The following SERAC1 variants were observed in gnomAD, a reference collection of about 807,000 sequenced individuals.
The protein encoded by SERAC1 is serine active site containing 1.
SERAC1 carries 36 observed loss-of-function variants against 85.7 expected under a neutral mutation model. The observed-to-expected ratio is 0.42, with a 90% CI of 0.32 to 0.55. SERAC1 has a LOEUF of 0.55. SERAC1 is among the 20% of genes least tolerant of loss of function. The pLI is 0.11. For synonymous variants in SERAC1, 242 were observed against 265.3 expected, an observed-to-expected ratio of 0.91 and a Z score of 0.85; for missense variants, 629 against 796.2, an observed-to-expected ratio of 0.79 and a Z score of 2.53.
At chr6:158,140,032 T>C (rs1177742295) in intron 8 of SERAC1, among the ~76,000 whole-genome samples, 1 of 152,148 alleles carries the variant, frequency 6.6e-6, no homozygotes, top group Non-Finnish European at 1.5e-5. Flanking sequence ...ACCCAGAAAT[T>C]CCACTCCTAG....
In SERAC1 at chr6:158,117,609, T is replaced by C. The variant is rs775596279; in HGVS notation, c.1403+118A>G. ...AAGACAAAAAAGATTAGGTTTGTTC[T>C]TCATAAGAAAATCCTGTCTGTGGCA... On this transcript the variant is annotated intron_variant, in intron 13 of 16. Coordinates refer to ENST00000647468, the MANE Select transcript of SERAC1 (RefSeq NM_032861.4). The surrounding 1 kb of genome is among the most constrained non-coding windows in gnomAD (Gnocchi z 4.3). 8 of 1,567,612 alleles carry C rather than the reference T, an allele frequency of 5.1e-6. No homozygotes were observed. The highest frequency in any genetic ancestry group is 6.9e-6 in the Non-Finnish European group (8 of 1,154,280).
intron 16 of SERAC1, chr6:158,112,278 T>C (rs1784162831): frequency 6.6e-6 from 1 of 152,392 alleles, no homozygotes; most frequent in African/African-American, 2.4e-5. Context: ...ACAGGTGTGG[T>C]GGTGTGCGCC....
At position 158,119,759 on chromosome 6, in the gene SERAC1, C is replaced by T. The variant is rs1274626546; in HGVS notation, c.1167-589G>A. 4.6e-5 allele frequency among the ~76,000 whole-genome samples: 7 copies of T among 152,068 alleles called. No individual in the cohort carries two copies. The highest frequency in any genetic ancestry group is 1.3e-4 in the Admixed American group (2 of 15,272). On this transcript the variant is annotated intron_variant, in intron 11 of 16. Coordinates refer to ENST00000647468, the MANE Select transcript of SERAC1 (RefSeq NM_032861.4). This position sits in a 1 kb window ranked among gnomAD's most constrained non-coding sequence, Gnocchi z 4.5. ...TATTTTATTTACAAATTGTAATTAACCAGGTAATCCACTTTTTAATTTAAA... is the reference window on the plus strand; with the variant it reads ...TATTTTATTTACAAATTGTAATTAATCAGGTAATCCACTTTTTAATTTAAA...
chr6:158,140,613 A>G (rs1339009463), intron 8 of SERAC1, among the ~76,000 whole-genome samples: 1 of 152,132 alleles, frequency 6.6e-6, no homozygotes, highest in African/African-American at 2.4e-5. Flanking sequence ...AATTAATCAA[A>G]CCCAAGGTGG....
intron 1 of SERAC1, among the ~76,000 whole-genome samples, chr6:158,166,501 A>C (rs1785599944): frequency 6.6e-6 from 1 of 152,176 alleles, no homozygotes; most frequent in Non-Finnish European, 1.5e-5. Context: ...TTTCCATATA[A>C]ATTTTAAGTT....
intron 1 of SERAC1, chr6:158,158,747 T>C (rs566252222): frequency 6.1e-6 from 1 of 162,850 alleles, no homozygotes; most frequent in South Asian, 1.6e-4. Flanking sequence ...TGAAAATATA[T>C]GTATATATGT....
At chr6:158,114,538 A>AT (rs1165705767) in intron 15 of SERAC1, 1 of 1,203,748 alleles carries the variant, frequency 8.3e-7, no homozygotes, top group African/African-American at 1.6e-5. Flanking sequence ...TTATCTGATT[A>AT]TTTTTCTAAT....
chr6:158,129,013 C>T (rs1377020761), intron 9 of SERAC1, among the ~76,000 whole-genome samples: 1 of 152,144 alleles, frequency 6.6e-6, no homozygotes, highest in Admixed American at 6.5e-5. Context: ...GCAATTTTCA[C>T]TTTCTAGATT....
At chr6:158,138,425 GA>G (rs35717781) in intron 8 of SERAC1, among the ~76,000 whole-genome samples, 21,675 of 114,808 alleles carry the variant, frequency 0.19, 2,132 homozygotes, top group Middle Eastern at 0.43. Context: ...ACAAGAGGGA[GA>G]CTCTGTCTCA....
chr6:158,158,146 C>T, intron 2 of SERAC1, 127 bp downstream of exon 2: 1 of 631,636 alleles, frequency 1.6e-6, no homozygotes, highest in Non-Finnish European at 2.8e-6. Flanking sequence ...ACTATTAGTA[C>T]AGAAAGACAT....
At chr6:158,159,883 C>A (rs1785446910) in intron 1 of SERAC1, among the ~76,000 whole-genome samples, 1 of 152,186 alleles carries the variant, frequency 6.6e-6, no homozygotes, top group South Asian at 2.1e-4. Context: ...GCCTCGGCCT[C>A]CCGAAGTGCT....
chr6:158,147,536 G>A (rs1466074891), intron 5 of SERAC1, among the ~76,000 whole-genome samples: 11 of 151,052 alleles, frequency 7.3e-5, no homozygotes, highest in African/African-American at 1.7e-4. Flanking sequence ...CGAGGCAGGC[G>A]GATCACGAGG....
intron 8 of SERAC1, among the ~76,000 whole-genome samples, chr6:158,142,757 G>A (rs1784948506): frequency 1.3e-5 from 2 of 152,208 alleles, no homozygotes. Context: ...CCACAGGCAT[G>A]AGCCACTGCG....
rs1486495690 is a variant in SERAC1 at position 158,168,228 on chromosome 6, G to C, written c.-90C>G. 1 of 152,334 alleles carries C rather than the reference G, an allele frequency of 6.6e-6. No individual in the cohort carries two copies. Among genetic ancestry groups the C allele is most frequent in the Non-Finnish European group, 1.5e-5 (1 of 68,174 alleles). The allele number at this position is 152,334 out of a possible 1,614,324, so 9.4% of individuals were successfully genotyped here. On this transcript the variant is annotated 5_prime_UTR_variant, in exon 1 of 17. Transcript: ENST00000647468. ...TACTCTTTCCGCGGCTCCCGGCCGG[G>C]ACCCTCCACCCGGCGGCTGGCGGCT...
intron 8 of SERAC1, among the ~76,000 whole-genome samples, chr6:158,138,144 A>G (rs9459503): frequency 0.061 from 9,351 of 152,248 alleles, 391 homozygotes; most frequent in East Asian, 0.13. Flanking sequence ...AAGCAGCAGC[A>G]TAGTGGGGCC....
intron 6 of SERAC1, among the ~76,000 whole-genome samples, 175 bp from the exon 7 acceptor site, chr6:158,144,595 C>T (rs1393244721): frequency 6.6e-6 from 1 of 152,178 alleles, no homozygotes; most frequent in Non-Finnish European, 1.5e-5. Flanking sequence ...GATACGTTTC[C>T]AGGACTGATC....
At chr6:158,125,291 C>A (rs148726818) in intron 10 of SERAC1, among the ~76,000 whole-genome samples, 104 of 152,216 alleles carry the variant, frequency 6.8e-4, no homozygotes, top group African/African-American at 2.4e-3. Flanking sequence ...TAAATATGTA[C>A]AACTATCATG....
At chr6:158,124,147 AT>A (rs199648329) in intron 10 of SERAC1, among the ~76,000 whole-genome samples, 4 of 151,324 alleles carry the variant, frequency 2.6e-5, no homozygotes, top group Non-Finnish European at 4.4e-5. Context: ...GAGAAGAGTC[AT>A]TTTTTTTTCT....
At chr6:158,147,307 C>CTT (rs78266108) in intron 5 of SERAC1, among the ~76,000 whole-genome samples, 3 of 142,928 alleles carry the variant, frequency 2.1e-5, no homozygotes, top group African/African-American at 2.6e-5. Context: ...CCCAGCTAAT[C>CTT]TTTTTTTTTT....
Sources: allele counts gnomAD v4.1 joint callset (sites outside exome capture counted in the v4.1 genomes callset), GRCh38; gene constraint gnomAD v4.1.1; non-coding constraint Gnocchi (gnomAD v3.1); transcripts MANE v1.5; gene names NCBI Gene and HGNC (gene_info 2026-07-23, HGNC 2026-07-21).